JMJD1C: variants seen among roughly 807,000 people sequenced by gnomAD.
JMJD1C encodes jumonji domain-containing protein 1C.
Under a neutral mutation model 245.3 loss-of-function variants are expected in JMJD1C, and 31 were observed. The ratio of observed to expected loss-of-function variants is 0.13; its 90% CI spans 0.09 to 0.17. JMJD1C has a LOEUF of 0.17. Ranked by LOEUF, JMJD1C falls within the 10% of genes least tolerant of loss-of-function variation. The probability of loss-of-function intolerance (pLI) is 1.00; values close to 1 mark genes in which losing one functional copy is unlikely to be tolerated. For synonymous variants in JMJD1C, 1,057 were observed against 1,017.4 expected (o/e 1.04, Z -0.74); for missense variants, 2,691 against 3,000.2 (o/e 0.90, Z 2.41).
chr10:63,298,295 T>G (rs773586188), intron 2 of JMJD1C, among the ~76,000 whole-genome samples: 3 of 152,198 alleles, frequency 2.0e-5, no homozygotes, highest in Non-Finnish European at 4.4e-5. Flanking sequence ...ACTCAAGCAC[T>G]GGTGCCACTG....
At chr10:63,328,683 T>C (rs899121770) in intron 2 of JMJD1C, among the ~76,000 whole-genome samples, 5 of 152,242 alleles carry the variant, frequency 3.3e-5, no homozygotes, top group Non-Finnish European at 7.4e-5. Context: ...TTTGAGGGTG[T>C]ACAGACATGT....
chr10:63,315,267 C>T (rs940992688), intron 2 of JMJD1C, among the ~76,000 whole-genome samples: 2 of 152,178 alleles, frequency 1.3e-5, no homozygotes, highest in Non-Finnish European at 2.9e-5. Flanking sequence ...TTGTCCCTCT[C>T]CTACCTCCCC....
In JMJD1C at chr10:63,181,228, T is replaced by C. The variant is rs867966724; in HGVS notation, c.7084+2219A>G. Among the ~76,000 whole-genome samples, 153 of 152,296 alleles carry C rather than the reference T, an allele frequency of 1.0e-3. 2 individuals carry two copies. The Middle Eastern group carries it at 0.027, about 27-fold the overall frequency. On this transcript the variant is annotated intron_variant, in intron 22 of 25. Transcript: ENST00000399262. ...AAAATGACAGTTGATGTTTCTAAAA[T>C]CTGTTTTCTTAACAAAATTAAAAGC... is the stretch of plus-strand genomic sequence containing the variant.
At chr10:63,310,602 T>C (rs773393946) in intron 2 of JMJD1C, among the ~76,000 whole-genome samples, 3 of 152,208 alleles carry the variant, frequency 2.0e-5, no homozygotes, top group Non-Finnish European at 4.4e-5. Flanking sequence ...TCAGAAGATA[T>C]ATGAAATTAA....
chr10:63,268,743 A>C (rs1855936262), intron 2 of JMJD1C: 1 of 985,112 alleles, frequency 1.0e-6, no homozygotes, highest in South Asian at 4.7e-5. Flanking sequence ...TATTTGCTGA[A>C]ATTTCTATTT....
Position 63,506,007 on chromosome 10 carries a change from C to T in JMJD1C, n.113+15731G>A, listed in dbSNP as rs980766195. ...TGGTATCCACACATTCTCAACAATA[C>T]AGCAGTATCCTTCTATTTAATAGCT... On this transcript the variant is annotated intron_variant and non_coding_transcript_variant, in intron 1 of 3. Transcript: ENST00000633035. Among the ~76,000 whole-genome samples, 19 of 152,242 alleles carry T rather than the reference C, an allele frequency of 1.2e-4. 1 individual carries two copies. In the South Asian group the frequency reaches 3.3e-3, roughly 27 times the overall value.
chr10:63,483,607 C>A (rs1953894328), intron 1 of JMJD1C, among the ~76,000 whole-genome samples: 1 of 152,198 alleles, frequency 6.6e-6, no homozygotes, highest in Non-Finnish European at 1.5e-5. Context: ...TAACAACCAA[C>A]TTTCTCCCAT....
chr10:63,212,234 T>C (rs1360541681), intron 8 of JMJD1C, among the ~76,000 whole-genome samples: 1 of 152,164 alleles, frequency 6.6e-6, no homozygotes, highest in African/African-American at 2.4e-5. Flanking sequence ...TCTAGAGACC[T>C]GCTGCACAAC....
rs752608906 is a variant in JMJD1C at position 63,465,569 on chromosome 10, G to T, written c.94C>A (p.Arg32Ser). 2 of 1,607,956 alleles carry T rather than the reference G, an allele frequency of 1.2e-6. No individual in the cohort carries two copies. Among genetic ancestry groups the T allele is most frequent in the Non-Finnish European group, 1.7e-6 (2 of 1,179,644 alleles). Residue 32 changes from arginine (R) to serine (S), a missense_variant, in exon 1 of 26, where the codon CGC becomes AGC. By Grantham distance (110) the Arg-to-Ser change is moderately radical. Transcript: ENST00000399262. ...EARSERWESGRGWRSWRAGVI... is the reference protein window; with the variant it reads ...EARSERWESGSGWRSWRAGVI... ...CCCGCTCGCCAGCTTCGCCAGCCGC[G>T]TCCGCTCTCCCAGCGCTCCGAACGT...
At chr10:63,385,220 T>C (rs893058810) in intron 1 of JMJD1C, among the ~76,000 whole-genome samples, 2 of 151,952 alleles carry the variant, frequency 1.3e-5, no homozygotes, top group Non-Finnish European at 2.9e-5. Context: ...ACAATTACAA[T>C]GCTAACATCA....
At chr10:63,436,594 T>C (rs969855084) in intron 1 of JMJD1C, among the ~76,000 whole-genome samples, 1 of 152,200 alleles carries the variant, frequency 6.6e-6, no homozygotes, top group Non-Finnish European at 1.5e-5. Flanking sequence ...ATATTATTTC[T>C]GTCCTAGTTT....
At chr10:63,376,063 C>T (rs1372698099) in intron 2 of JMJD1C, among the ~76,000 whole-genome samples, 1 of 152,122 alleles carries the variant, frequency 6.6e-6, no homozygotes, top group East Asian at 1.9e-4. Flanking sequence ...GTAATCAAAA[C>T]AGTGAGCTGG....
intron 2 of JMJD1C, among the ~76,000 whole-genome samples, chr10:63,312,094 C>CTTTTTTTTT (rs35328965): frequency 4.7e-5 from 3 of 64,030 alleles, no homozygotes; most frequent in African/African-American, 1.1e-4. Context: ...AGTAGCTAAA[C>CTTTTTTTTT]TTTTTTTTTT....
At chr10:63,235,427 G>A (rs539921884) in intron 3 of JMJD1C, among the ~76,000 whole-genome samples, 1 of 152,146 alleles carries the variant, frequency 6.6e-6, no homozygotes, top group Non-Finnish European at 1.5e-5. Flanking sequence ...AACCCGCGAG[G>A]CAGAGGTTGC....
intron 2 of JMJD1C, among the ~76,000 whole-genome samples, chr10:63,330,565 C>T (rs918860153): frequency 1.3e-5 from 2 of 152,070 alleles, no homozygotes; most frequent in Non-Finnish European, 2.9e-5. Flanking sequence ...AATATATCTA[C>T]ACTTTCTTCC....
At chr10:63,235,165 C>T (rs1850578802) in intron 3 of JMJD1C, among the ~76,000 whole-genome samples, 6 of 152,068 alleles carry the variant, frequency 3.9e-5, no homozygotes, top group Admixed American at 3.9e-4. Context: ...AGACTAAATG[C>T]CTTATTCTAT....
chr10:63,296,065 G>A (rs1859404755), intron 2 of JMJD1C, among the ~76,000 whole-genome samples: 1 of 148,076 alleles, frequency 6.8e-6, no homozygotes, highest in South Asian at 2.1e-4. Flanking sequence ...AGGCTGGAGT[G>A]CAATGGCACA....
At chr10:63,247,875 G>A (rs550216191) in intron 3 of JMJD1C, among the ~76,000 whole-genome samples, 4 of 151,642 alleles carry the variant, frequency 2.6e-5, no homozygotes, top group East Asian at 1.9e-4. Context: ...AAACAAAGAA[G>A]AGGAGGGAAT....
chr10:63,259,994 T>A (rs1854488785), intron 3 of JMJD1C, among the ~76,000 whole-genome samples: 1 of 150,730 alleles, frequency 6.6e-6, no homozygotes, highest in Non-Finnish European at 1.5e-5. Flanking sequence ...CTCCACCTCC[T>A]GGGTTCAAGT....
Sources: allele counts gnomAD v4.1 joint callset (sites outside exome capture counted in the v4.1 genomes callset), GRCh38; gene constraint gnomAD v4.1.1; transcripts MANE v1.5; gene names NCBI Gene and HGNC (gene_info 2026-07-23, HGNC 2026-07-21).